USP9X: variants seen among roughly 807,000 people sequenced by gnomAD.
The protein encoded by USP9X is ubiquitin specific peptidase 9 X-linked, also known as ubiquitin carboxyl-terminal hydrolase 9X.
In USP9X, 7 loss-of-function variants were observed where a neutral mutation model predicts 190.3. The observed-to-expected ratio is 0.04, with a 90% CI of 0.02 to 0.07. The LOEUF is 0.07. USP9X is among the 10% of genes least tolerant of loss of function. The pLI is 1.00. For missense variants in USP9X, 1,010 were observed against 1,916.9 expected (o/e 0.53, Z 8.83); for synonymous variants, 645 against 659.5 (o/e 0.98, Z 0.34).
chrX:41,155,678 T>C (rs183272661), intron 14 of USP9X, among the ~76,000 whole-genome samples: 15 of 105,816 alleles, frequency 1.4e-4, no homozygotes, highest in African/African-American at 5.2e-4. Context: ...GCAGATCCTG[T>C]GCTAGATTTT....
At chrX:41,175,795 A>T (rs1375184111) in intron 21 of USP9X, among the ~76,000 whole-genome samples, 1 of 110,074 alleles carries the variant, frequency 9.1e-6, no homozygotes, top group African/African-American at 3.3e-5. Flanking sequence ...ATGAATATAT[A>T]TATGTGTGTA....
chrX:41,181,202 C>T (rs781465611), intron 21 of USP9X, among the ~76,000 whole-genome samples: 17 of 109,094 alleles, frequency 1.6e-4, no homozygotes, highest in African/African-American at 2.0e-4. Flanking sequence ...ATTTTAAAGA[C>T]GGAGAAACTG....
intron 26 of USP9X, among the ~76,000 whole-genome samples, chrX:41,191,878 G>T: frequency 9.0e-6 from 1 of 111,562 alleles, no homozygotes; most frequent in African/African-American, 3.3e-5. Context: ...CTCATGTTTG[G>T]GCAGGATTTA....
intron 26 of USP9X, among the ~76,000 whole-genome samples, chrX:41,194,468 C>T (rs1377375004): frequency 5.4e-5 from 6 of 111,221 alleles, no homozygotes; most frequent in Admixed American, 1.9e-4. Flanking sequence ...GCAGGAGAAT[C>T]GCTTGAACCT....
chrX:41,113,028 T>G (rs1344233891), intron 1 of USP9X, among the ~76,000 whole-genome samples: 1 of 111,921 alleles, frequency 8.9e-6, no homozygotes, highest in Non-Finnish European at 1.9e-5. Flanking sequence ...ATAACCTTAT[T>G]TTAGTGTCCT....
intron 28 of USP9X, 22 bp downstream of exon 28, chrX:41,196,760 A>G (rs905061391): frequency 2.5e-5 from 26 of 1,059,339 alleles, no homozygotes; most frequent in Non-Finnish European, 3.1e-5. Flanking sequence ...TTAATACTCC[A>G]TTTATATGTC....
At chrX:41,167,928 C>T (rs188320138) in intron 17 of USP9X, 79 bp from the exon 18 acceptor site, 3 of 832,431 alleles carry the variant, frequency 3.6e-6, no homozygotes, top group African/African-American at 4.1e-5. Context: ...TCAGCCATTG[C>T]CATCTTTAAT....
chrX:41,197,341 A>ACCCCCCCCC, intron 28 of USP9X, 23 bp from the exon 29 acceptor site: 1 of 288,798 alleles, frequency 3.5e-6, no homozygotes, highest in South Asian at 6.1e-5. Context: ...TCCCCCCCCC[A>ACCCCCCCCC]CCCCACCCCC....
At chrX:41,208,052 G>A (rs1470771138) in intron 32 of USP9X, among the ~76,000 whole-genome samples, 1 of 91,359 alleles carries the variant, frequency 1.1e-5, no homozygotes, top group Non-Finnish European at 2.2e-5. Flanking sequence ...TTTTTTTTTT[G>A]AGACAGAGTC....
chrX:41,226,895 CTTGAGACCAGGAG>C (rs2063318795), intron 41 of USP9X, among the ~76,000 whole-genome samples: 1 of 111,678 alleles, frequency 9.0e-6, no homozygotes, highest in Non-Finnish European at 1.9e-5. Context: ...AGGAGAATTG[CTTGAGACCAGGAG>C]TTCAAGGCCA....
intron 21 of USP9X, among the ~76,000 whole-genome samples, chrX:41,175,147 G>A (rs2062762855): frequency 1.8e-5 from 2 of 111,568 alleles, no homozygotes; most frequent in Non-Finnish European, 3.8e-5. Context: ...TTGGCCAGTG[G>A]GAGTCCTTTC....
intron 1 of USP9X, among the ~76,000 whole-genome samples, chrX:41,100,594 A>T: frequency 9.0e-6 from 1 of 111,660 alleles, no homozygotes; most frequent in Middle Eastern, 4.6e-3. Flanking sequence ...GCTCTTTCAT[A>T]AAATCTAGCT....
At chrX:41,169,941 A>G in intron 18 of USP9X, 54 bp from the exon 19 acceptor site, 1 of 1,190,190 alleles carries the variant, frequency 8.4e-7, no homozygotes. Flanking sequence ...TCTTGGCAAC[A>G]AAATTTCAGA....
At chrX:41,196,074 AT>A in intron 26 of USP9X, 176 bp from the exon 27 acceptor site, 1 of 528,994 alleles carries the variant, frequency 1.9e-6, no homozygotes. Context: ...AAGTTCATGT[AT>A]TATGTGGTGT....
Position 41,234,228 on chromosome X carries a change from CAT to C in USP9X, c.*1706_*1707del, listed in dbSNP as rs1274981217. 1 of 111,598 alleles carries C rather than the reference CAT, an allele frequency of 9.0e-6. No individual in the cohort carries two copies. Among genetic ancestry groups the C allele is most frequent in the Non-Finnish European group, 1.9e-5 (1 of 53,121 alleles). The allele number at this position is 111,598 out of a possible 1,213,427, so 9.2% of individuals were successfully genotyped here. A position where few individuals can be genotyped will look rare whatever the true frequency, so the allele number is the denominator to read the frequency against. On this transcript the variant is annotated 3_prime_UTR_variant, in exon 45 of 45. Coordinates refer to ENST00000378308, the MANE Select transcript of USP9X (RefSeq NM_001039591.3). ...TGTTGACACTGTAAAAGTTTCCTAA[CAT>C]AATCTTGTACTTTTTGTATGTTTTT...
intron 34 of USP9X, 33 bp from the exon 35 acceptor site, chrX:41,215,866 G>C: frequency 9.1e-7 from 1 of 1,099,044 alleles, no homozygotes; most frequent in Non-Finnish European, 1.2e-6. Flanking sequence ...GATTTTAATA[G>C]AACATCTGGT....
intron 23 of USP9X, among the ~76,000 whole-genome samples, chrX:41,186,220 A>G (rs1157512203): frequency 9.0e-6 from 1 of 111,311 alleles, no homozygotes; most frequent in Admixed American, 9.6e-5. Context: ...AGTCTCTAGA[A>G]GGGAACCAGT....
chrX:41,150,803 G>A, intron 12 of USP9X, 118 bp from the exon 13 acceptor site: 1 of 729,748 alleles, frequency 1.4e-6, no homozygotes, highest in African/African-American at 2.2e-5. Flanking sequence ...ATTACAACAT[G>A]ATGCTTGTAT....
intron 1 of USP9X, among the ~76,000 whole-genome samples, chrX:41,091,680 A>G (rs892036332): frequency 1.8e-5 from 2 of 111,940 alleles, no homozygotes; most frequent in African/African-American, 6.5e-5. Flanking sequence ...TTACAATGAG[A>G]AATCCTGGAA....
Sources: allele counts gnomAD v4.1 joint callset (sites outside exome capture counted in the v4.1 genomes callset), GRCh38; gene constraint gnomAD v4.1.1; transcripts MANE v1.5; gene names NCBI Gene and HGNC (gene_info 2026-07-23, HGNC 2026-07-21).